KLHL14: variants seen among roughly 807,000 people sequenced by gnomAD.
KLHL14 encodes the protein kelch-like protein 14.
KLHL14 carries 22 observed loss-of-function variants against 64.3 expected under a neutral mutation model. That is an observed-to-expected ratio of 0.34 (90% CI 0.24 to 0.49). KLHL14 has a LOEUF of 0.49. Among genes scored for constraint, KLHL14 ranks in the 20% least tolerant of loss-of-function variants. The pLI is 0.99. For missense variants in KLHL14, 661 were observed against 789.0 expected (o/e 0.84, Z 1.94); for synonymous variants, 322 against 333.4 (o/e 0.97, Z 0.37).
At chr18:32,766,595 T>C (rs1391392955) in intron 2 of KLHL14, among the ~76,000 whole-genome samples, 1 of 152,130 alleles carries the variant, frequency 6.6e-6, no homozygotes, top group East Asian at 1.9e-4. Flanking sequence ...AAACTTATTC[T>C]TCCCGTCTAA....
intron 3 of KLHL14, among the ~76,000 whole-genome samples, chr18:32,699,644 A>C (rs1050377157): frequency 6.6e-6 from 1 of 152,146 alleles, no homozygotes; most frequent in Admixed American, 6.6e-5. Context: ...TTCAATAGGT[A>C]TGTTCATCCA....
rs1322273514 is a variant in KLHL14 at position 32,695,468 on chromosome 18, G to A, written c.1154C>T (p.Pro385Leu). ...FVLGGEDQWN[P>L]NGKHSTNFVS... ...TTAAGTTGTTCAATAGTTACCATTC[G>A]GATTCCACTGGTCCTCTCCACCCAA... Residue 385 changes from proline (P) to leucine (L), a missense_variant, in exon 4 of 9, where the codon CCG (proline) becomes CTG (leucine). By Grantham distance (98) the Pro-to-Leu change is moderately conservative (BLOSUM62 -3). Transcript: ENST00000359358. 5 of 1,604,612 alleles carry A rather than the reference G, an allele frequency of 3.1e-6. No homozygotes were observed. Among genetic ancestry groups the A allele is most frequent in the African/African-American group, 1.3e-5 (1 of 74,728 alleles).
At position 32,772,148 on chromosome 18, in the gene KLHL14, GCCC is replaced by G. The variant is rs780568428; in HGVS notation, c.-44+516_-44+518del. The G allele has an allele frequency of 8.3e-4, 224 of 268,464 alleles. 1 individual carries two copies. Among genetic ancestry groups the G allele is most frequent in the South Asian group, 1.7e-3 (44 of 26,262 alleles). The allele number at this position is 268,464 out of a possible 1,614,324, so 16.6% of individuals were successfully genotyped here. On this transcript the variant is annotated intron_variant, in intron 1 of 8. Transcript: ENST00000359358. Reference sequence around the variant, plus strand: ...CGCCCGGGGGAGAGCCGCCGCCGCCGCCCGGCTCGGAGGGATCCCGGCGGACCT... The same window carrying G: ...CGCCCGGGGGAGAGCCGCCGCCGCCGGGCTCGGAGGGATCCCGGCGGACCT...
chr18:32,733,019 G>A (rs2050144416), intron 3 of KLHL14, among the ~76,000 whole-genome samples: 1 of 152,182 alleles, frequency 6.6e-6, no homozygotes, highest in Non-Finnish European at 1.5e-5. Context: ...TTACAAAAAA[G>A]AGATGATCTC....
chr18:32,765,214 C>T (rs1172619309), intron 2 of KLHL14, among the ~76,000 whole-genome samples: 5 of 152,120 alleles, frequency 3.3e-5, no homozygotes, highest in East Asian at 1.9e-4. Context: ...TCACCTGTTA[C>T]GCAGTAGCAG....
intron 2 of KLHL14, chr18:32,743,467 A>G (rs1361407205): frequency 6.6e-6 from 1 of 152,232 alleles, no homozygotes; most frequent in Non-Finnish European, 1.5e-5. Flanking sequence ...ATGCATTATT[A>G]TGCCTCAGTG....
chr18:32,691,497 T>C (rs1051501157), intron 4 of KLHL14, among the ~76,000 whole-genome samples: 1 of 151,994 alleles, frequency 6.6e-6, no homozygotes, highest in Non-Finnish European at 1.5e-5. Flanking sequence ...TAAGCTATGA[T>C]TGCACCTTCC....
At chr18:32,698,345 C>T (rs1209510283) in intron 3 of KLHL14, among the ~76,000 whole-genome samples, 2 of 151,948 alleles carry the variant, frequency 1.3e-5, no homozygotes, top group East Asian at 1.9e-4. Flanking sequence ...GAGTTTTTAG[C>T]GTGTCAGTCA....
chr18:32,733,949 CT>C lies in KLHL14; in HGVS notation c.1069+7978del, dbSNP rs1188843287. On this transcript the variant is annotated intron_variant, in intron 3 of 8. Transcript: ENST00000359358. ...TTATGTGTGAGGGACCAGATAATTT[CT>C]CTTTAGTTTATTCATTCCGGGTCAA... The C allele has an allele frequency of 1.1e-4, 64 of 558,420 alleles. No homozygotes were observed. The East Asian group carries it at 1.8e-3, about 16-fold the overall frequency. 34.6% of individuals were successfully genotyped at this position (558,420 alleles called of 1,614,324 possible). A position where few individuals can be genotyped will look rare whatever the true frequency, so the allele number is the denominator to read the frequency against.
At chr18:32,771,664 G>A (rs893290241) in intron 1 of KLHL14, among the ~76,000 whole-genome samples, 35 of 152,104 alleles carry the variant, frequency 2.3e-4, no homozygotes, top group Non-Finnish European at 1.2e-4. Context: ...GAGCCGGGAG[G>A]CCTGGAGGCC....
chr18:32,695,581 A>G, intron 3 of KLHL14, 29 bp from the exon 4 acceptor site: 1 of 1,428,176 alleles, frequency 7.0e-7, no homozygotes, highest in African/African-American at 1.4e-5. Flanking sequence ...AAAAAGACAT[A>G]TGAAATTTTC....
At chr18:32,689,714 A>T (rs546384094) in intron 4 of KLHL14, among the ~76,000 whole-genome samples, 8 of 152,332 alleles carry the variant, frequency 5.3e-5, no homozygotes, top group South Asian at 2.1e-4. Context: ...TGAGGAACAG[A>T]CTTTAGGATT....
At chr18:32,687,920 C>G (rs1056651858) in intron 4 of KLHL14, among the ~76,000 whole-genome samples, 1 of 152,096 alleles carries the variant, frequency 6.6e-6, no homozygotes, top group Non-Finnish European at 1.5e-5. Context: ...CAAGTAAGTT[C>G]TGTGTGTGTA....
At chr18:32,718,371 A>G (rs994938750) in intron 3 of KLHL14, among the ~76,000 whole-genome samples, 2 of 152,202 alleles carry the variant, frequency 1.3e-5, no homozygotes, top group African/African-American at 2.4e-5. Flanking sequence ...TCCTGGCACA[A>G]TAAGAATCCA....
At chr18:32,753,477 G>A (rs952180819) in intron 2 of KLHL14, among the ~76,000 whole-genome samples, 1 of 150,842 alleles carries the variant, frequency 6.6e-6, no homozygotes, top group Non-Finnish European at 1.5e-5. Flanking sequence ...ATGTTACTGT[G>A]TCCTCTAGCA....
intron 3 of KLHL14, among the ~76,000 whole-genome samples, chr18:32,732,841 A>C (rs1053353323): frequency 2.0e-5 from 3 of 152,244 alleles, no homozygotes; most frequent in African/African-American, 7.2e-5. Context: ...GAAGAGTAGA[A>C]AGACAGAAAT....
At chr18:32,677,433 A>G (rs1009753257) in intron 7 of KLHL14, 103 bp from the exon 8 acceptor site, 2 of 1,080,322 alleles carry the variant, frequency 1.9e-6, no homozygotes, top group Non-Finnish European at 2.6e-6. Context: ...AAAATAGATA[A>G]TTATGTTTTT....
intron 3 of KLHL14, among the ~76,000 whole-genome samples, chr18:32,699,116 AC>A (rs1406011659): frequency 1.3e-5 from 2 of 152,112 alleles, no homozygotes; most frequent in Non-Finnish European, 2.9e-5. Context: ...ACAGTCTTTT[AC>A]CCCTCCTTCT....
chr18:32,733,002 G>A (rs2050144356), intron 3 of KLHL14, among the ~76,000 whole-genome samples: 1 of 152,140 alleles, frequency 6.6e-6, no homozygotes, highest in African/African-American at 2.4e-5. Context: ...GCTGGACTTG[G>A]CAAGATTTAC....
Sources: gnomAD v4.1 joint callset for allele counts (sites outside exome capture counted in the v4.1 genomes callset) on GRCh38, gnomAD v4.1.1 for gene constraint, MANE v1.5 for transcripts, NCBI Gene and HGNC (gene_info 2026-07-23, HGNC 2026-07-21) for gene names.